UBE4A: variants seen among roughly 807,000 people sequenced by gnomAD.
UBE4A encodes the protein ubiquitination factor E4A, also known as ubiquitin conjugation factor E4 A.
A neutral mutation model predicts 117.9 loss-of-function variants in UBE4A; 48 were observed. The observed-to-expected ratio is 0.41, with a 90% CI of 0.32 to 0.52. The LOEUF (loss-of-function observed/expected upper bound fraction) is 0.52. Among genes scored for constraint, UBE4A ranks in the 20% least tolerant of loss-of-function variants. The pLI is 0.33. For missense variants in UBE4A, 1,067 were observed against 1,296.3 expected, an observed-to-expected ratio of 0.82 and a Z score of 2.72; for synonymous variants, 407 against 450.0, an observed-to-expected ratio of 0.90 and a Z score of 1.21.
chr11:118,390,776 C>T lies in UBE4A; in HGVS notation c.2888C>T (p.Ala963Val). Reference sequence around the variant, plus strand: ...AATAAGCCTGGGAATATGATTATGGCTTTCAGCAACTTGGCAGAGAGAATC... The same window carrying T: ...AATAAGCCTGGGAATATGATTATGGTTTTCAGCAACTTGGCAGAGAGAATC... Reference protein sequence around the residue: ...KINKPGNMIMAFSNLAERIKS... With the variant: ...KINKPGNMIMVFSNLAERIKS... Residue 963 changes from alanine to valine, a missense_variant, in exon 18 of 20, where the codon GCT (alanine) becomes GTT (valine). Physicochemically the swap from Ala to Val is moderately conservative, Grantham distance 64. This residue lies in a region of UBE4A where 1,001 missense variants were observed against 1,184.0 expected (regional missense o/e 0.85). Coordinates refer to ENST00000252108, the MANE Select transcript of UBE4A (RefSeq NM_001204077.2). 3 of 1,610,326 alleles carry T rather than the reference C, an allele frequency of 1.9e-6. No homozygotes were observed. The highest frequency in any genetic ancestry group is 2.5e-6 in the Non-Finnish European group (3 of 1,178,140).
intron 1 of UBE4A, among the ~76,000 whole-genome samples, chr11:118,361,427 T>C (rs188734745): frequency 7.0e-4 from 107 of 152,344 alleles, no homozygotes; most frequent in African/African-American, 2.5e-3. Flanking sequence ...TGGGTACTCT[T>C]ACTTTGGTAA....
At chr11:118,383,264 A>T (rs527683134) in intron 13 of UBE4A, among the ~76,000 whole-genome samples, 9 of 152,284 alleles carry the variant, frequency 5.9e-5, no homozygotes, top group African/African-American at 2.2e-4. Context: ...TAACCAGACT[A>T]TCTAACTCTC....
rs1948900244 is a variant in UBE4A, at chr11:118,398,937, C to T, written c.*2497C>T. On this transcript the variant is annotated 3_prime_UTR_variant, in exon 20 of 20. Coordinates refer to ENST00000252108, the MANE Select transcript of UBE4A (RefSeq NM_001204077.2). The stretch of plus-strand genomic sequence containing the variant: ...TCATTACTTTATTTGATGGTGGTTG[C>T]TAAGCAGCCATTGCACAGAGCATAA... The T allele has an allele frequency of 6.4e-6, 2 of 312,610 alleles. No homozygotes were observed. The highest frequency in any genetic ancestry group is 1.3e-5 in the Non-Finnish European group (2 of 149,346). 19.4% of individuals were successfully genotyped at this position (312,610 alleles called of 1,614,324 possible).
chr11:118,371,706 T>G, intron 5 of UBE4A, 40 bp downstream of exon 5: 1 of 1,565,688 alleles, frequency 6.4e-7, no homozygotes, highest in Non-Finnish European at 8.6e-7. Flanking sequence ...ATTGTCCTCT[T>G]GGGTATGACT....
chr11:118,394,110 G>A (rs1020685374), intron 19 of UBE4A, among the ~76,000 whole-genome samples: 3 of 151,950 alleles, frequency 2.0e-5, no homozygotes, highest in South Asian at 2.1e-4. Context: ...TTTTTAGTCC[G>A]GCATTAGAAA....
chr11:118,374,498 G>GT (rs1359154165), intron 8 of UBE4A, among the ~76,000 whole-genome samples: 1 of 152,298 alleles, frequency 6.6e-6, no homozygotes, highest in Admixed American at 6.5e-5. Flanking sequence ...CCTGCCACCT[G>GT]TTTTTGTAAA....
Position 118,373,650 on chromosome 11 carries a change from C to G in UBE4A, c.1081C>G (p.Gln361Glu). 6.2e-7 allele frequency: 1 copy of G among 1,614,144 alleles called. No individual in the cohort carries two copies. The highest frequency in any genetic ancestry group is 8.5e-7 in the Non-Finnish European group (1 of 1,180,022). Residue 361 changes from glutamine to glutamate, a missense_variant, in exon 8 of 20, where the codon CAG becomes GAG. Around this residue, in one of 3 missense-constraint regions of UBE4A, gnomAD observed 1,001 missense variants for 1,184.0 expected, o/e 0.85. Coordinates refer to ENST00000252108, the MANE Select transcript of UBE4A (RefSeq NM_001204077.2). The part of the protein sequence containing the change: ...YFLNPSRSSP[Q>E]EIKVQEANIH... ...TTTGAATCCATCTCGTTCCAGCCCC[C>G]AGGAGATCAAAGTACAGGAGGCCAA...
rs1340306350 is a variant in UBE4A at position 118,396,523 on chromosome 11, CCTTTTCTTTCTT to C, written c.*93_*104del. ...TGGTTTCTCTCTTTCTGGTTCTGTT[CCTTTTCTTTCTT>C]CTTTTCTTTTTCTTTTTTTTTTTTT... is the stretch of plus-strand genomic sequence containing the variant. On this transcript the variant is annotated 3_prime_UTR_variant, in exon 20 of 20. Coordinates refer to ENST00000252108, the MANE Select transcript of UBE4A (RefSeq NM_001204077.2). The C allele has an allele frequency of 1.1e-5, 16 of 1,420,394 alleles. No individual in the cohort carries two copies. The African/African-American group carries it at 2.1e-4, about 19-fold the overall frequency. The allele number at this position is 1,420,394 out of a possible 1,614,324, so 88.0% of individuals were successfully genotyped here. A position where few individuals can be genotyped will look rare whatever the true frequency, so the allele number is the denominator to read the frequency against.
chr11:118,398,029 G>GT lies in UBE4A; in HGVS notation c.*1592dup, dbSNP rs1948891103. Reference sequence around the variant, plus strand: ...TTTATGGCATGGGTTGACAGGATTTGTTTATTTTCTAAAATTAGCTTCATT... The same window carrying GT: ...TTTATGGCATGGGTTGACAGGATTTGTTTTATTTTCTAAAATTAGCTTCATT... On this transcript the variant is annotated 3_prime_UTR_variant, in exon 20 of 20. Transcript: ENST00000252108. 2 of 152,588 alleles carry GT rather than the reference G, an allele frequency of 1.3e-5. No individual in the cohort carries two copies. Among genetic ancestry groups the GT allele is most frequent in the South Asian group, 4.1e-4 (2 of 4,832 alleles). 9.5% of individuals were successfully genotyped at this position (152,588 alleles called of 1,614,324 possible).
At chr11:118,382,064 A>G (rs373864722) in intron 12 of UBE4A, among the ~76,000 whole-genome samples, 7 of 152,172 alleles carry the variant, frequency 4.6e-5, no homozygotes, top group Non-Finnish European at 8.8e-5. Flanking sequence ...TTGCTGCACA[A>G]TGAAGAGAAT....
rs998924175 is a variant in UBE4A at position 118,383,601 on chromosome 11, A to C, written c.2197+825A>C. 2.6e-5 allele frequency among the ~76,000 whole-genome samples: 4 copies of C among 151,438 alleles called. No individual in the cohort carries two copies. In the East Asian group the frequency reaches 5.9e-4, roughly 22 times the overall value. ...AGAAATCCCTCTCAAAAAAAAAAAA[A>C]AAAAAAAAAAACCAGCAGGCAACAT... is the stretch of plus-strand genomic sequence containing the variant. On this transcript the variant is annotated intron_variant, in intron 13 of 19. Coordinates refer to ENST00000252108, the MANE Select transcript of UBE4A (RefSeq NM_001204077.2).
chr11:118,366,077 A>G (rs1414921542), intron 2 of UBE4A, among the ~76,000 whole-genome samples: 1 of 149,450 alleles, frequency 6.7e-6, no homozygotes, highest in East Asian at 2.0e-4. Context: ...AAAAAAAAAC[A>G]CTCAGGTGCA....
chr11:118,370,414 A>G (rs1948599807), intron 4 of UBE4A, among the ~76,000 whole-genome samples: 1 of 152,146 alleles, frequency 6.6e-6, no homozygotes, highest in Non-Finnish European at 1.5e-5. Context: ...TCTCCAGGCC[A>G]GGAGTTACCA....
At chr11:118,365,723 T>C (rs921081531) in intron 2 of UBE4A, among the ~76,000 whole-genome samples, 1 of 152,260 alleles carries the variant, frequency 6.6e-6, no homozygotes, top group African/African-American at 2.4e-5. Context: ...TCTGTTCCGA[T>C]GAGTGGCATC....
rs1233046692 is a variant in UBE4A, at chr11:118,397,086, T to G, written c.*646T>G. 1.3e-5 allele frequency: 2 copies of G among 152,280 alleles called. No homozygotes were observed. The highest frequency in any genetic ancestry group is 2.9e-5 in the Non-Finnish European group (2 of 68,112). The allele number at this position is 152,280 out of a possible 1,614,324, so 9.4% of individuals were successfully genotyped here. A position where few individuals can be genotyped will look rare whatever the true frequency, so the allele number is the denominator to read the frequency against. ...GATAGCTCTTAATTTTGTTATACAG[T>G]CTTTTTAATGAGGATTGGTAGGGCA... On this transcript the variant is annotated 3_prime_UTR_variant, in exon 20 of 20. Coordinates refer to ENST00000252108, the MANE Select transcript of UBE4A (RefSeq NM_001204077.2).
At position 118,381,438 on chromosome 11, in the gene UBE4A, T is replaced by G; in HGVS notation, c.1924T>G (p.Phe642Val). Reference protein sequence around the residue: ...LGDFLIFLRRFADDILETSAD... With the variant: ...LGDFLIFLRRVADDILETSAD... ...TGATTTTCTCATTTTTCTCCGCCGC[T>G]TTGCCGATGACATTTTGGAGACATC... The change falls in exon 12 of 20, where the codon TTT (phenylalanine) becomes GTT (valine). Residue 642 changes from phenylalanine to valine, a missense_variant. Physicochemically the swap from Phe to Val is conservative, Grantham distance 50. Around this residue, in one of 3 missense-constraint regions of UBE4A, gnomAD observed 1,001 missense variants for 1,184.0 expected, o/e 0.85. Coordinates refer to ENST00000252108, the MANE Select transcript of UBE4A (RefSeq NM_001204077.2). 7 of 1,614,182 alleles carry G rather than the reference T, an allele frequency of 4.3e-6. No homozygotes were observed. Among genetic ancestry groups the G allele is most frequent in the Non-Finnish European group, 5.9e-6 (7 of 1,180,008 alleles).
chr11:118,395,207 T>C (rs1270002422), intron 19 of UBE4A, among the ~76,000 whole-genome samples: 2 of 151,802 alleles, frequency 1.3e-5, no homozygotes, highest in Non-Finnish European at 2.9e-5. Flanking sequence ...CACGTGCCTG[T>C]AGTCCCAGCT....
Position 118,359,645 on chromosome 11 carries a change from G to T in UBE4A, c.-71G>T, listed in dbSNP as rs952833434. On this transcript the variant is annotated 5_prime_UTR_variant, in exon 1 of 20. Coordinates refer to ENST00000252108, the MANE Select transcript of UBE4A (RefSeq NM_001204077.2). ...ACCCTTCGGCCGCTGAGATTCTGTCGTGTCGTCGCTGCTGGCACTTCAGGC... is the reference window on the plus strand; with the variant it reads ...ACCCTTCGGCCGCTGAGATTCTGTCTTGTCGTCGCTGCTGGCACTTCAGGC... 2.6e-5 allele frequency: 4 copies of T among 152,232 alleles called. No individual in the cohort carries two copies. Among genetic ancestry groups the T allele is most frequent in the African/African-American group, 4.8e-5 (2 of 41,434 alleles). 9.4% of individuals were successfully genotyped at this position (152,232 alleles called of 1,614,324 possible).
chr11:118,385,017 C>A, intron 15 of UBE4A, 72 bp downstream of exon 15: 1 of 1,383,104 alleles, frequency 7.2e-7, no homozygotes, highest in Non-Finnish European at 1.0e-6. Flanking sequence ...ATACATTTTA[C>A]CTTTTAATCA....
Sources: gnomAD v4.1 joint callset for allele counts (sites outside exome capture counted in the v4.1 genomes callset) on GRCh38, gnomAD v4.1.1 for gene constraint, gnomAD v4.1.1 regional missense constraint, MANE v1.5 for transcripts, NCBI Gene and HGNC (gene_info 2026-07-23, HGNC 2026-07-21) for gene names.